The following POU6F2 variants were observed in gnomAD, a reference collection of about 807,000 sequenced individuals.
The protein encoded by POU6F2 is POU class 6 homeobox 2, also known as POU domain, class 6, transcription factor 2.
A neutral mutation model predicts 71.3 loss-of-function variants in POU6F2; 31 were observed. The ratio of observed to expected loss-of-function variants is 0.43; its 90% CI spans 0.33 to 0.59. The LOEUF (loss-of-function observed/expected upper bound fraction) is 0.59, where lower values mean the gene tolerates loss of function less well. Ranked by LOEUF, POU6F2 falls within the 20% of genes least tolerant of loss-of-function variation. The pLI, the probability that POU6F2 is intolerant of heterozygous loss-of-function variation, is 0.04. For synonymous variants in POU6F2, 347 were observed against 355.7 expected (o/e 0.98, Z 0.27); for missense variants, 783 against 856.8 (o/e 0.91, Z 1.07).
intron 1 of POU6F2, among the ~76,000 whole-genome samples, chr7:38,990,877 C>G (rs746580756): frequency 1.3e-5 from 2 of 151,990 alleles, no homozygotes; most frequent in African/African-American, 4.8e-5. Flanking sequence ...AAAAGAGAGA[C>G]GTGTGCTAGA....
In POU6F2 at chr7:39,177,476, A is replaced by G. The variant is rs777409799; in HGVS notation, c.278-26759A>G. On this transcript the variant is annotated intron_variant, in intron 2 of 9. Coordinates refer to ENST00000518318, the MANE Select transcript of POU6F2 (RefSeq NM_001370959.1). ...TGGGATAAGAACACCTGGATGAGAC[A>G]ATCCAAGGATTGGGAAAGAAGCGAA... Among the ~76,000 whole-genome samples, 5 of 152,244 alleles carry G rather than the reference A, an allele frequency of 3.3e-5. No individual in the cohort carries two copies. In the East Asian group the frequency reaches 7.7e-4, roughly 23 times the overall value.
intron 4 of POU6F2, among the ~76,000 whole-genome samples, chr7:39,223,509 A>G (rs1015644704): frequency 3.3e-5 from 5 of 152,216 alleles, no homozygotes; most frequent in African/African-American, 1.2e-4. Flanking sequence ...ATACTTAGAG[A>G]TTTGAGGAAA....
chr7:39,450,253 T>C (rs1788626839), intron 7 of POU6F2, among the ~76,000 whole-genome samples: 1 of 152,058 alleles, frequency 6.6e-6, no homozygotes, highest in Non-Finnish European at 1.5e-5. Context: ...TGGGGGTAGC[T>C]CTCCCACCAA....
chr7:39,270,935 G>A (rs34985861), intron 4 of POU6F2, among the ~76,000 whole-genome samples: 40,927 of 151,872 alleles, frequency 0.27, 6,392 homozygotes, highest in African/African-American at 0.42. Flanking sequence ...GACCCCTTCC[G>A]CCTTGAGGAT....
chr7:39,133,532 A>G (rs566746125), intron 2 of POU6F2, among the ~76,000 whole-genome samples: 1 of 152,352 alleles, frequency 6.6e-6, no homozygotes, highest in South Asian at 2.1e-4. Context: ...TGGATAAGAA[A>G]TGTTTTTCTC....
At chr7:39,124,291 C>T (rs1197799141) in intron 2 of POU6F2, among the ~76,000 whole-genome samples, 2 of 152,100 alleles carry the variant, frequency 1.3e-5, no homozygotes, top group Non-Finnish European at 2.9e-5. Flanking sequence ...GTGATCCACC[C>T]GCCTTGGCCT....
At chr7:39,015,997 TA>T (rs373479326) in intron 1 of POU6F2, among the ~76,000 whole-genome samples, 11 of 35,538 alleles carry the variant, frequency 3.1e-4, no homozygotes, top group African/African-American at 8.2e-4. Flanking sequence ...ATATAATATA[TA>T]GATATATATT....
chr7:39,233,518 G>A (rs1421540572), intron 4 of POU6F2, among the ~76,000 whole-genome samples: 1 of 152,154 alleles, frequency 6.6e-6, no homozygotes, highest in Non-Finnish European at 1.5e-5. Flanking sequence ...CTGTCCCGAG[G>A]CTGATCTACT....
At chr7:39,263,089 C>T (rs574517634) in intron 4 of POU6F2, among the ~76,000 whole-genome samples, 1 of 152,222 alleles carries the variant, frequency 6.6e-6, no homozygotes, top group East Asian at 1.9e-4. Flanking sequence ...TTAGAGACCT[C>T]TTTTGTGTGC....
chr7:39,357,872 C>T (rs1378697748), intron 5 of POU6F2, among the ~76,000 whole-genome samples: 3 of 152,138 alleles, frequency 2.0e-5, no homozygotes, highest in Non-Finnish European at 2.9e-5. Flanking sequence ...CTCTAGCGCC[C>T]CCTCTGGTGG....
At chr7:39,249,981 T>C (rs945169180) in intron 4 of POU6F2, among the ~76,000 whole-genome samples, 3 of 152,304 alleles carry the variant, frequency 2.0e-5, no homozygotes, top group South Asian at 2.1e-4. Context: ...ATAATAACAA[T>C]GCATGGTCAA....
At chr7:39,447,979 G>A (rs768440611) in intron 7 of POU6F2, among the ~76,000 whole-genome samples, 11 of 152,150 alleles carry the variant, frequency 7.2e-5, no homozygotes, top group African/African-American at 1.2e-4. Flanking sequence ...TATTGAACCC[G>A]AGAGCTGTTT....
Position 39,460,621 on chromosome 7 carries a change from A to G in POU6F2, c.1564A>G (p.Ile522Val). The G allele has an allele frequency of 6.2e-7, 1 of 1,611,380 alleles. No individual in the cohort carries two copies. The highest frequency in any genetic ancestry group is 8.5e-7 in the Non-Finnish European group (1 of 1,178,798). The change falls in exon 9 of 10, where the codon ATC (isoleucine) becomes GTC (valine). Residue 522 changes from isoleucine (I) to valine (V), a missense_variant. Transcript: ENST00000518318. The surrounding 1 kb of genome is among the most constrained non-coding windows in gnomAD (Gnocchi z 4.4). ...EIREFAKAFK[I>V]RRLSLGLTQT... Reference sequence around the variant, plus strand: ...CCGAGAATTTGCCAAAGCTTTTAAAATCCGGCGCCTGTCCCTTGGCCTGAC... The same window carrying G: ...CCGAGAATTTGCCAAAGCTTTTAAAGTCCGGCGCCTGTCCCTTGGCCTGAC...
intron 6 of POU6F2, among the ~76,000 whole-genome samples, chr7:39,421,612 A>C (rs2115971273): frequency 6.6e-6 from 1 of 152,318 alleles, no homozygotes; most frequent in Non-Finnish European, 1.5e-5. Flanking sequence ...CAATTGCCAA[A>C]CATTTTCTTC....
At chr7:39,317,791 G>T (rs1214725418) in intron 4 of POU6F2, among the ~76,000 whole-genome samples, 2 of 152,168 alleles carry the variant, frequency 1.3e-5, no homozygotes, top group Non-Finnish European at 2.9e-5. Flanking sequence ...GTGTGCACTT[G>T]AGCAAATCAT....
intron 1 of POU6F2, among the ~76,000 whole-genome samples, chr7:38,982,465 T>G (rs893402482): frequency 2.6e-5 from 4 of 152,178 alleles, no homozygotes; most frequent in African/African-American, 7.2e-5. Context: ...GTACTATGTA[T>G]TGTTTATTGA....
intron 7 of POU6F2, among the ~76,000 whole-genome samples, chr7:39,442,544 G>A (rs1788428600): frequency 6.6e-6 from 1 of 152,084 alleles, no homozygotes. Context: ...TTATCATTAA[G>A]GACTTTTCTT....
intron 2 of POU6F2, among the ~76,000 whole-genome samples, chr7:39,144,977 G>C (rs1014669407): frequency 1.3e-5 from 2 of 152,182 alleles, no homozygotes; most frequent in African/African-American, 4.8e-5. Flanking sequence ...TTACAGGCAA[G>C]AGATTGATGG....
intron 4 of POU6F2, among the ~76,000 whole-genome samples, chr7:39,282,081 G>A (rs2128759950): frequency 6.6e-6 from 1 of 152,136 alleles, no homozygotes; most frequent in East Asian, 1.9e-4. Context: ...TTGGCCATTT[G>A]TATGTCTTCC....
Sources: allele counts gnomAD v4.1 joint callset (sites outside exome capture counted in the v4.1 genomes callset), GRCh38; gene constraint gnomAD v4.1.1; non-coding constraint Gnocchi (gnomAD v3.1); transcripts MANE v1.5; gene names NCBI Gene and HGNC (gene_info 2026-07-23, HGNC 2026-07-21).